The following DNAH5 variants were observed in gnomAD, a reference collection of about 807,000 sequenced individuals.
DNAH5 encodes the protein dynein axonemal heavy chain 5.
DNAH5 carries 372 observed loss-of-function variants against 518.2 expected under a neutral mutation model. The ratio of observed to expected loss-of-function variants is 0.72; its 90% CI spans 0.66 to 0.78. DNAH5 has a LOEUF of 0.78. DNAH5 is among the 30% of genes least tolerant of loss of function. The probability of loss-of-function intolerance (pLI) is 0.00; values close to 1 mark genes in which losing one functional copy is unlikely to be tolerated. For synonymous variants in DNAH5, 2,039 were observed against 2,025.9 expected (o/e 1.01, Z -0.17); for missense variants, 5,523 against 5,687.0 (o/e 0.97, Z 0.93).
intron 11 of DNAH5, among the ~76,000 whole-genome samples, 172 bp downstream of exon 11, chr5:13,913,571 A>G (rs1035576182): frequency 2.0e-5 from 3 of 152,156 alleles, no homozygotes; most frequent in African/African-American, 7.2e-5. Context: ...TATTAGCACC[A>G]TTACACAATT....
At chr5:13,720,111 C>CAAA (rs70964504) in intron 71 of DNAH5, among the ~76,000 whole-genome samples, 2 of 128,690 alleles carry the variant, frequency 1.6e-5, no homozygotes, top group Non-Finnish European at 1.7e-5. Context: ...GAAAAAACAC[C>CAAA]AAAAAAAAAA....
chr5:13,967,382 T>A (rs1399226988), intron 1 of DNAH5, among the ~76,000 whole-genome samples: 1 of 152,154 alleles, frequency 6.6e-6, no homozygotes, highest in Non-Finnish European at 1.5e-5. Context: ...TCCAGTTTCA[T>A]TCTTATATAT....
chr5:13,719,864 G>C (rs1208165917), intron 71 of DNAH5, among the ~76,000 whole-genome samples: 2 of 152,108 alleles, frequency 1.3e-5, no homozygotes, highest in Non-Finnish European at 2.9e-5. Context: ...AAGAGAAAGA[G>C]CCTTAGAAAA....
Position 13,747,025 on chromosome 5 carries a change from C to T in DNAH5, c.11211+4053G>A, listed in dbSNP as rs184563953. 2.2e-3 allele frequency among the ~76,000 whole-genome samples: 337 copies of T among 152,222 alleles called. 4 individuals are homozygous for T. Among genetic ancestry groups the T allele is most frequent in the African/African-American group, 7.8e-3 (323 of 41,530 alleles). ...TTTACATTAGCTATATCTCCTAATG[C>T]TATCCCTCCCCTCTCCCCCCACCCC... On this transcript the variant is annotated intron_variant, in intron 65 of 78. Coordinates refer to ENST00000265104, the MANE Select transcript of DNAH5 (RefSeq NM_001369.3).
At chr5:14,001,940 C>T (rs1009953643) in intron 1 of DNAH5, among the ~76,000 whole-genome samples, 1 of 151,910 alleles carries the variant, frequency 6.6e-6, no homozygotes, top group African/African-American at 2.4e-5. Flanking sequence ...TGCTCTGTCG[C>T]CAGGTGGGAG....
intron 1 of DNAH5, among the ~76,000 whole-genome samples, chr5:13,938,068 G>A (rs1163548347): frequency 6.6e-6 from 1 of 152,158 alleles, no homozygotes; most frequent in East Asian, 1.9e-4. Context: ...GCCCTTTGGA[G>A]TAATGTGATA....
intron 1 of DNAH5, among the ~76,000 whole-genome samples, chr5:14,002,486 A>G (rs1195449341): frequency 6.6e-6 from 1 of 152,172 alleles, no homozygotes; most frequent in Non-Finnish European, 1.5e-5. Flanking sequence ...ACTTGACTAA[A>G]TTTAGTAACT....
At chr5:13,842,742 C>A (rs932277326) in intron 32 of DNAH5, among the ~76,000 whole-genome samples, 2 of 152,092 alleles carry the variant, frequency 1.3e-5, no homozygotes, top group African/African-American at 4.8e-5. Context: ...CAGACCCTTT[C>A]CAAGGTCCTG....
intron 52 of DNAH5, among the ~76,000 whole-genome samples, chr5:13,782,914 C>T (rs1225175230): frequency 6.6e-6 from 1 of 152,158 alleles, no homozygotes; most frequent in African/African-American, 2.4e-5. Flanking sequence ...TTTTTAATTT[C>T]ATCAGCAAGT....
intron 18 of DNAH5, 88 bp downstream of exon 18, chr5:13,885,876 T>C (rs966527960): frequency 8.3e-7 from 1 of 1,202,006 alleles, no homozygotes; most frequent in Non-Finnish European, 1.2e-6. Flanking sequence ...TATAGAAGTA[T>C]GAAATTAATT....
intron 21 of DNAH5, among the ~76,000 whole-genome samples, chr5:13,879,943 C>A (rs1367107058): frequency 6.6e-6 from 1 of 152,016 alleles, no homozygotes; most frequent in African/African-American, 2.4e-5. Context: ...AGAAAGCCAG[C>A]TCCAGGAAGC....
In DNAH5 at chr5:13,721,114, G is replaced by T. The variant is rs138781046; in HGVS notation, c.12165C>A (p.Pro4055=). The change falls in exon 71 of 79, where the codon CCC becomes CCA. Residue 4055 remains proline (P), a synonymous_variant. Coordinates refer to ENST00000265104, the MANE Select transcript of DNAH5 (RefSeq NM_001369.3). The stretch of plus-strand genomic sequence containing the variant: ...TCCCCAAGGCAATGATGGAATCTGT[G>T]GGGTCTGAGCCCATAGACAGGAGAC... The part of the protein sequence containing the change: ...LICLLSMGSD[P]TDSIIALGKR... 3.7e-5 allele frequency: 60 copies of T among 1,613,946 alleles called. No homozygotes were observed. The highest frequency in any genetic ancestry group is 5.0e-5 in the Non-Finnish European group (59 of 1,180,004).
chr5:13,917,709 T>C (rs1776795271), intron 7 of DNAH5, among the ~76,000 whole-genome samples: 1 of 152,178 alleles, frequency 6.6e-6, no homozygotes. Flanking sequence ...AGCTAGGAAC[T>C]TAGAAATGGA....
intron 1 of DNAH5, among the ~76,000 whole-genome samples, chr5:14,005,309 C>G (rs1423077658): frequency 1.3e-5 from 2 of 152,222 alleles, no homozygotes; most frequent in African/African-American, 4.8e-5. Flanking sequence ...CCAGCGAATG[C>G]TTCCAACCTA....
rs1437081227 is a variant in DNAH5, at chr5:13,920,506, T to G, written c.772A>C (p.Lys258Gln). ...TGTTCTGTCTGTTTGATCCATACTT[T>G]CATGCAATCCTCTATTTTTCCCAAA... Reference protein sequence around the residue: ...ETLGKIEDCMKVWIKQTEQVL... With the variant: ...ETLGKIEDCMQVWIKQTEQVL... The change falls in exon 6 of 79, where the codon AAA becomes CAA. Residue 258 changes from lysine (K) to glutamine (Q), a missense_variant. Around this residue, in one of 3 missense-constraint regions of DNAH5, gnomAD observed 5,121 missense variants for 5,223.3 expected, o/e 0.98. Coordinates refer to ENST00000265104, the MANE Select transcript of DNAH5 (RefSeq NM_001369.3). The G allele has an allele frequency of 6.2e-7, 1 of 1,614,216 alleles. No individual in the cohort carries two copies.
At position 13,776,429 on chromosome 5, in the gene DNAH5, C is replaced by A. The variant is rs555164140; in HGVS notation, c.9373+10G>T. On this transcript the variant is annotated intron_variant, in intron 55 of 78. Coordinates refer to ENST00000265104, the MANE Select transcript of DNAH5 (RefSeq NM_001369.3). ...ATGTTATGCCCTGGCATAAACATTT[C>A]CATACTAACCAGCAACTAAAGCATC... 3.1e-6 allele frequency: 5 copies of A among 1,613,632 alleles called. No homozygotes were observed. In the South Asian group the frequency reaches 4.4e-5, roughly 14 times the overall value.
At position 13,859,415 on chromosome 5, in the gene DNAH5, G is replaced by C. The variant is rs778091584; in HGVS notation, c.4950+37C>G. The C allele has an allele frequency of 3.1e-6, 5 of 1,612,970 alleles. No individual in the cohort carries two copies. In the Admixed American group the frequency reaches 8.3e-5, roughly 27 times the overall value. On this transcript the variant is annotated intron_variant, in intron 30 of 78. Transcript: ENST00000265104. ...GGTAATCGCTCTGAGAGCTTTCTCT[G>C]AAAAATCTGATGAAATCATAAAGAA...
At chr5:13,803,061 G>T in intron 47 of DNAH5, among the ~76,000 whole-genome samples, 1 of 151,964 alleles carries the variant, frequency 6.6e-6, no homozygotes, top group East Asian at 1.9e-4. Context: ...CAATTCATGA[G>T]CTTAATGTAG....
intron 58 of DNAH5, among the ~76,000 whole-genome samples, chr5:13,766,703 G>T (rs780336292): frequency 2.6e-5 from 4 of 152,132 alleles, no homozygotes; most frequent in African/African-American, 9.7e-5. Context: ...TTTAAATGAC[G>T]GGACTTGAGC....
Sources: gnomAD v4.1 joint callset for allele counts (sites outside exome capture counted in the v4.1 genomes callset) on GRCh38, gnomAD v4.1.1 for gene constraint, gnomAD v4.1.1 regional missense constraint, MANE v1.5 for transcripts, NCBI Gene and HGNC (gene_info 2026-07-23, HGNC 2026-07-21) for gene names.